The following LDHAL6A variants were observed in gnomAD, a reference collection of about 807,000 sequenced individuals.
The protein encoded by LDHAL6A is L-lactate dehydrogenase A-like 6A.
A neutral mutation model predicts 28.2 loss-of-function variants in LDHAL6A; 19 were observed. The observed-to-expected ratio is 0.67, with a 90% confidence interval of 0.47 to 0.99. The LOEUF (loss-of-function observed/expected upper bound fraction) is 0.99, where lower values mean the gene tolerates loss of function less well. LDHAL6A is among the 50% of genes least tolerant of loss of function. LDHAL6A has a pLI of 0.00. For synonymous variants in LDHAL6A, 144 were observed against 134.4 expected, an observed-to-expected ratio of 1.07 and a Z score of -0.49; for missense variants, 372 against 398.6, an observed-to-expected ratio of 0.93 and a Z score of 0.57.
At chr11:18,474,966 C>T (rs1341544417) in intron 3 of LDHAL6A, among the ~76,000 whole-genome samples, 2 of 152,262 alleles carry the variant, frequency 1.3e-5, no homozygotes, top group East Asian at 3.9e-4. Context: ...CTAGGCCAGG[C>T]ACGGTGGCTC....
intron 2 of LDHAL6A, among the ~76,000 whole-genome samples, chr11:18,465,398 CAGGGGTG>C (rs1849038983): frequency 1.3e-5 from 2 of 149,648 alleles, no homozygotes; most frequent in Admixed American, 1.3e-4. Context: ...GCTGGGATTA[CAGGGGTG>C]AGCCACTGCA....
At chr11:18,476,799 A>G (rs986694391) in intron 5 of LDHAL6A, 1 of 168,044 alleles carries the variant, frequency 6.0e-6, no homozygotes, top group Non-Finnish European at 1.2e-5. Context: ...TAGTGGTGGA[A>G]TTGATTCCAT....
At chr11:18,461,069 C>A (rs1848888550) in intron 1 of LDHAL6A, among the ~76,000 whole-genome samples, 1 of 151,936 alleles carries the variant, frequency 6.6e-6, no homozygotes, top group African/African-American at 2.4e-5. Context: ...AACTCCTGAC[C>A]CCAGGTGATC....
intron 1 of LDHAL6A, among the ~76,000 whole-genome samples, chr11:18,458,380 T>C (rs3993284): frequency 0.37 from 55,980 of 151,870 alleles, 11,376 homozygotes; most frequent in African/African-American, 0.54. Flanking sequence ...AAATGCCACC[T>C]GTAGCACCCA....
intron 1 of LDHAL6A, 152 bp downstream of exon 1, chr11:18,456,958 C>T (rs1301485250): frequency 3.0e-6 from 2 of 657,982 alleles, no homozygotes; most frequent in Non-Finnish European, 4.8e-6. Context: ...TAGTTGTTCA[C>T]CCAGAGGGCG....
At chr11:18,471,763 A>T (rs945031444) in intron 3 of LDHAL6A, among the ~76,000 whole-genome samples, 130 of 99,424 alleles carry the variant, frequency 1.3e-3, no homozygotes, top group South Asian at 2.4e-3. Context: ...TGTCTCTATT[A>T]AAAAAAAAAA....
At position 18,475,482 on chromosome 11, in the gene LDHAL6A, T is replaced by C. The variant is rs116849705; in HGVS notation, c.435T>C (p.Tyr145=). 1.2e-5 allele frequency: 19 copies of C among 1,613,590 alleles called. No individual in the cohort carries two copies. The East Asian group carries it at 1.3e-4, about 11-fold the overall frequency. Residue 145 remains tyrosine (Y), a synonymous_variant, in exon 4 of 7, where the codon TAT becomes TAC. Coordinates refer to ENST00000280706, the MANE Select transcript of LDHAL6A (RefSeq NM_144972.5). Reference sequence around the variant, plus strand: ...TCTTCTTAGTGGATATCTTAACTTATGTAGCCTGGAAGTTGAGTGGATTTC... The same window carrying C: ...TCTTCTTAGTGGATATCTTAACTTACGTAGCCTGGAAGTTGAGTGGATTTC... ...IVTNPVDILT[Y]VAWKLSGFPK...
rs1387322055 is a variant in LDHAL6A, at chr11:18,469,230, G to A, written c.418+3420G>A. Reference sequence around the variant, plus strand: ...CAGGGCACTGAAGTCTGTGGGGACAGTAAGTTCACATTTACTGTTTGTGTT... The same window carrying A: ...CAGGGCACTGAAGTCTGTGGGGACAATAAGTTCACATTTACTGTTTGTGTT... On this transcript the variant is annotated intron_variant, in intron 3 of 6. Coordinates refer to ENST00000280706, the MANE Select transcript of LDHAL6A (RefSeq NM_144972.5). 4 of 622,654 alleles carry A rather than the reference G, an allele frequency of 6.4e-6. No homozygotes were observed. In the South Asian group the frequency reaches 7.4e-5, roughly 11 times the overall value. 38.6% of individuals were successfully genotyped at this position (622,654 alleles called of 1,614,324 possible).
Position 18,465,743 on chromosome 11 carries a change from T to TA in LDHAL6A, c.354dup (p.Leu119IlefsTer20). On this transcript the variant is annotated frameshift_variant, in exon 3 of 7. Coordinates refer to ENST00000280706, the MANE Select transcript of LDHAL6A (RefSeq NM_144972.5). LOFTEE classifies it high-confidence loss of function. ...TAGTCCAGCGAAATGTATCCATCTTTAAATTAATGATTCCCAATATTACCC... is the reference window on the plus strand; with the variant it reads ...TAGTCCAGCGAAATGTATCCATCTTTAAAATTAATGATTCCCAATATTACCC... 1 of 1,613,770 alleles carries TA rather than the reference T, an allele frequency of 6.2e-7. No homozygotes were observed. The highest frequency in any genetic ancestry group is 8.5e-7 in the Non-Finnish European group (1 of 1,179,642).
At chr11:18,460,755 G>C (rs1207604969) in intron 1 of LDHAL6A, among the ~76,000 whole-genome samples, 2 of 152,028 alleles carry the variant, frequency 1.3e-5, no homozygotes, top group Non-Finnish European at 2.9e-5. Context: ...GTGAGACCCT[G>C]TCTCAAAAAA....
At chr11:18,471,001 T>C (rs1849244185) in intron 3 of LDHAL6A, among the ~76,000 whole-genome samples, 1 of 152,036 alleles carries the variant, frequency 6.6e-6, no homozygotes, top group Admixed American at 6.6e-5. Context: ...TTCAACAGTG[T>C]TTTATTTTCA....
At chr11:18,475,417 A>G in intron 3 of LDHAL6A, 49 bp from the exon 4 acceptor site, 8 of 1,420,704 alleles carry the variant, frequency 5.6e-6, no homozygotes, top group Non-Finnish European at 7.8e-6. Flanking sequence ...TCTAAAAAAC[A>G]TATCCTTGTA....
intron 1 of LDHAL6A, among the ~76,000 whole-genome samples, chr11:18,463,528 A>C (rs1157611726): frequency 6.6e-6 from 1 of 152,162 alleles, no homozygotes; most frequent in Non-Finnish European, 1.5e-5. Flanking sequence ...TTATTCAAAA[A>C]ACTTTTACTG....
chr11:18,462,187 A>G (rs1303640923), intron 1 of LDHAL6A, among the ~76,000 whole-genome samples: 1 of 152,024 alleles, frequency 6.6e-6, no homozygotes, highest in African/African-American at 2.4e-5. Flanking sequence ...ACAAAAAGTA[A>G]AAGTAAAATT....
intron 1 of LDHAL6A, among the ~76,000 whole-genome samples, chr11:18,460,450 G>C (rs1435096978): frequency 6.6e-6 from 1 of 151,670 alleles, no homozygotes; most frequent in Non-Finnish European, 1.5e-5. Flanking sequence ...AAAACTAGCT[G>C]GGCACGGTGG....
At chr11:18,475,058 T>C (rs763135953) in intron 3 of LDHAL6A, among the ~76,000 whole-genome samples, 6 of 152,248 alleles carry the variant, frequency 3.9e-5, no homozygotes, top group Admixed American at 1.3e-4. Context: ...CTGGCCAACA[T>C]AGTGAAACCC....
chr11:18,476,572 T>A, intron 5 of LDHAL6A, 71 bp downstream of exon 5: 1 of 1,549,728 alleles, frequency 6.5e-7, no homozygotes, highest in South Asian at 1.2e-5. Flanking sequence ...AGGTTGAGAT[T>A]AGTCCCTTAA....
intron 1 of LDHAL6A, among the ~76,000 whole-genome samples, chr11:18,463,593 G>A (rs1848978824): frequency 6.6e-6 from 1 of 152,190 alleles, no homozygotes; most frequent in Non-Finnish European, 1.5e-5. Flanking sequence ...GGGGATGAAT[G>A]ACTTCCTAGT....
At chr11:18,469,957 CTCTG>C (rs200428670) in intron 3 of LDHAL6A, among the ~76,000 whole-genome samples, 7,921 of 152,202 alleles carry the variant, frequency 0.052, 284 homozygotes, top group Non-Finnish European at 0.076. Flanking sequence ...GAGACAGAGT[CTCTG>C]TCTGTCACCC....
Sources: allele counts gnomAD v4.1 joint callset (sites outside exome capture counted in the v4.1 genomes callset), GRCh38; gene constraint gnomAD v4.1.1; transcripts MANE v1.5; gene names NCBI Gene and HGNC (gene_info 2026-07-23, HGNC 2026-07-21).